Variants in CLVS1 observed in about 807,000 individuals in gnomAD.
The protein encoded by CLVS1 is clavesin-1.
CLVS1 carries 10 observed loss-of-function variants against 33.1 expected under a neutral mutation model. The ratio of observed to expected loss-of-function variants is 0.30; its 90% CI spans 0.19 to 0.51. CLVS1 has a LOEUF of 0.51. CLVS1 is among the 20% of genes least tolerant of loss of function. The pLI is 0.97. For synonymous variants in CLVS1, 163 were observed against 166.1 expected (o/e 0.98, Z 0.14); for missense variants, 343 against 433.4 (o/e 0.79, Z 1.85).
At chr8:60,974,971 A>C in the CLVS1 span, among the ~76,000 whole-genome samples, 1 of 152,134 alleles carries the variant, frequency 6.6e-6, no homozygotes, top group African/African-American at 2.4e-5. Flanking sequence ...TTATGATTTG[A>C]GTGGCTTGGA....
intron 3 of CLVS1, among the ~76,000 whole-genome samples, chr8:61,381,116 G>T (rs1992333): frequency 0.65 from 99,171 of 151,570 alleles, 33,885 homozygotes; most frequent in Non-Finnish European, 0.75. Context: ...CTGAACACTT[G>T]GTGCGTTCCT....
intron 5 of CLVS1, among the ~76,000 whole-genome samples, chr8:61,463,988 G>T (rs1817460455): frequency 6.6e-6 from 1 of 151,432 alleles, no homozygotes; most frequent in African/African-American, 2.4e-5. Context: ...TAGGAGAATT[G>T]CTTGAACCTG....
chr8:61,233,843 G>A (rs567278874), intron 2 of CLVS1, among the ~76,000 whole-genome samples: 2 of 152,358 alleles, frequency 1.3e-5, no homozygotes, highest in East Asian at 3.9e-4. Flanking sequence ...TCAGCACGTG[G>A]GCTGCATGAG....
At chr8:61,453,700 A>G (rs1306611339) in intron 3 of CLVS1, among the ~76,000 whole-genome samples, 2 of 152,132 alleles carry the variant, frequency 1.3e-5, no homozygotes, top group Non-Finnish European at 2.9e-5. Flanking sequence ...CAGAAAGTTC[A>G]GTTACTGTCA....
rs182141888 is a variant in CLVS1 at position 61,269,271 on chromosome 8, G to C, written c.-151-30406G>C. On this transcript the variant is annotated intron_variant, in intron 2 of 2. Transcript: ENST00000522621. ...TTTTCCCACCACCATTAGTTAAATA[G>C]GGAATCCTCTCCCATTTCTTGTTTT... Among the ~76,000 whole-genome samples, 10 of 152,298 alleles carry C rather than the reference G, an allele frequency of 6.6e-5. 1 individual carries two copies. The South Asian group carries it at 1.2e-3, about 19-fold the overall frequency.
intron 1 of CLVS1, among the ~76,000 whole-genome samples, chr8:61,127,670 A>T (rs1220926156): frequency 6.6e-6 from 1 of 152,212 alleles, no homozygotes; most frequent in Admixed American, 6.5e-5. Context: ...GAGTATTTTG[A>T]GCTGAATTGA....
At chr8:61,071,746 A>G (rs145762108) in intron 1 of CLVS1, among the ~76,000 whole-genome samples, 4 of 152,302 alleles carry the variant, frequency 2.6e-5, no homozygotes, top group Admixed American at 2.6e-4. Context: ...CTTGAGTTTT[A>G]TTCTGACTGT....
At chr8:60,986,897 G>A in the CLVS1 span, among the ~76,000 whole-genome samples, 1 of 152,208 alleles carries the variant, frequency 6.6e-6, no homozygotes, top group Non-Finnish European at 1.5e-5. Context: ...TAAGAGGCAT[G>A]ACTTGATATT....
At chr8:61,424,926 A>T (rs1185589386) in intron 3 of CLVS1, among the ~76,000 whole-genome samples, 1 of 152,190 alleles carries the variant, frequency 6.6e-6, no homozygotes, top group Non-Finnish European at 1.5e-5. Flanking sequence ...ATCCACAAGG[A>T]TATTAAGAAT....
At chr8:61,317,649 T>C (rs1472714841) in intron 2 of CLVS1, among the ~76,000 whole-genome samples, 1 of 152,228 alleles carries the variant, frequency 6.6e-6, no homozygotes, top group Non-Finnish European at 1.5e-5. Flanking sequence ...TTTTCTTCAC[T>C]TCTCCACTTT....
intron 2 of CLVS1, among the ~76,000 whole-genome samples, chr8:61,269,451 G>A: frequency 6.6e-6 from 1 of 151,956 alleles, no homozygotes; most frequent in Non-Finnish European, 1.5e-5. Flanking sequence ...CAGGTAGTGT[G>A]ATGCCTCCAG....
At chr8:61,110,535 A>G (rs1294399014) in intron 1 of CLVS1, among the ~76,000 whole-genome samples, 1 of 152,214 alleles carries the variant, frequency 6.6e-6, no homozygotes. Context: ...TTTTAATTTA[A>G]TTGTGGTAAA....
chr8:61,076,568 T>C (rs1322531943), intron 1 of CLVS1, among the ~76,000 whole-genome samples: 1 of 152,238 alleles, frequency 6.6e-6, no homozygotes, highest in Non-Finnish European at 1.5e-5. Context: ...TCTATTATGA[T>C]ATAATTGTCC....
At chr8:61,286,311 A>G (rs1481785629), upstream of CLVS1, among the ~76,000 whole-genome samples, 2 of 152,188 alleles carry the variant, frequency 1.3e-5, no homozygotes. Flanking sequence ...ATATTAGATG[A>G]TCAGCCAATA....
intron 2 of CLVS1, among the ~76,000 whole-genome samples, chr8:61,161,761 C>T (rs142360644): frequency 2.6e-5 from 4 of 152,210 alleles, no homozygotes; most frequent in Non-Finnish European, 5.9e-5. Context: ...CATATTTATA[C>T]TTGGCAATCA....
intron 2 of CLVS1, 59 bp from the exon 3 acceptor site, chr8:61,376,546 G>C (rs965901830): frequency 8.1e-5 from 125 of 1,535,624 alleles, no homozygotes; most frequent in Non-Finnish European, 1.1e-4. Flanking sequence ...ACTGTTGCAC[G>C]CAACATGCTA....
chr8:61,064,618 G>A (rs1804642503), intron 1 of CLVS1, among the ~76,000 whole-genome samples: 1 of 148,066 alleles, frequency 6.8e-6, no homozygotes. Context: ...TCAGCTCACT[G>A]CAACCTCTGC....
Position 61,493,693 on chromosome 8 carries a change from C to T in CLVS1, c.978-5762C>T, listed in dbSNP as rs200691058. On this transcript the variant is annotated intron_variant, in intron 5 of 5. Coordinates refer to ENST00000325897, the MANE Select transcript of CLVS1 (RefSeq NM_173519.3). Reference sequence around the variant, plus strand: ...AAGACACCTTTATAAAAACTTATTTCTTCCTGTTTAGAAGCCTTTACATAG... The same window carrying T: ...AAGACACCTTTATAAAAACTTATTTTTTCCTGTTTAGAAGCCTTTACATAG... Among the ~76,000 whole-genome samples, 7 of 152,314 alleles carry T rather than the reference C, an allele frequency of 4.6e-5. No homozygotes were observed. In the East Asian group the frequency reaches 1.3e-3, roughly 29 times the overall value.
At chr8:61,238,648 A>G (rs2129313729) in intron 2 of CLVS1, among the ~76,000 whole-genome samples, 1 of 151,736 alleles carries the variant, frequency 6.6e-6, no homozygotes, top group South Asian at 2.1e-4. Context: ...CAACAATTAC[A>G]CTCTGCCAAT....
Sources: allele counts gnomAD v4.1 joint callset (sites outside exome capture counted in the v4.1 genomes callset), GRCh38; gene constraint gnomAD v4.1.1; transcripts MANE v1.5; gene names NCBI Gene and HGNC (gene_info 2026-07-23, HGNC 2026-07-21).